RPRD1B: variants seen among roughly 807,000 people sequenced by gnomAD.
The protein encoded by RPRD1B is regulation of nuclear pre-mRNA domain containing 1B, also known as regulation of nuclear pre-mRNA domain-containing protein 1B.
RPRD1B carries 11 observed loss-of-function variants against 41.5 expected under a neutral mutation model. The ratio of observed to expected loss-of-function variants is 0.27; its 90% CI spans 0.17 to 0.44. The LOEUF is 0.44. Ranked by LOEUF, RPRD1B falls within the 20% of genes least tolerant of loss-of-function variation. The probability of loss-of-function intolerance (pLI) is 1.00; values close to 1 mark genes in which losing one functional copy is unlikely to be tolerated. For synonymous variants in RPRD1B, 158 were observed against 155.6 expected (o/e 1.02, Z -0.12); for missense variants, 248 against 389.9 (o/e 0.64, Z 3.06).
intron 1 of RPRD1B, among the ~76,000 whole-genome samples, chr20:38,034,778 G>C (rs979221882): frequency 3.3e-5 from 5 of 152,102 alleles, no homozygotes; most frequent in Non-Finnish European, 7.4e-5. Context: ...GCCCTGCTCA[G>C]GTTCTGACAG....
At chr20:38,079,468 G>T (rs775482513) in intron 6 of RPRD1B, among the ~76,000 whole-genome samples, 1 of 152,102 alleles carries the variant, frequency 6.6e-6, no homozygotes, top group Non-Finnish European at 1.5e-5. Flanking sequence ...TTGAGTTCAT[G>T]TGTTCTCAAT....
At chr20:38,052,752 GTTTTT>G (rs146687415) in intron 3 of RPRD1B, among the ~76,000 whole-genome samples, 21 of 81,696 alleles carry the variant, frequency 2.6e-4, no homozygotes, top group African/African-American at 9.1e-4. Context: ...CAAACGCGGT[GTTTTT>G]TTTTTTTTTT....
intron 5 of RPRD1B, 140 bp downstream of exon 5, chr20:38,059,660 A>G (rs764199204): frequency 1.1e-5 from 8 of 741,112 alleles, no homozygotes; most frequent in Non-Finnish European, 1.7e-5. Flanking sequence ...GGGATTTGCA[A>G]ACATAACTCA....
chr20:38,087,946 G>A (rs2074577229), intron 6 of RPRD1B, among the ~76,000 whole-genome samples: 2 of 152,222 alleles, frequency 1.3e-5, no homozygotes, highest in African/African-American at 4.8e-5. Flanking sequence ...GGGGGAAGCA[G>A]ATGGGTCTGG....
chr20:38,037,709 T>C lies in RPRD1B; in HGVS notation c.152-2726T>C, dbSNP rs572736915. The stretch of plus-strand genomic sequence containing the variant: ...CAGTTTATCCTAAATAAATCCCCAT[T>C]GTTAAGTTCTGGGGTGATGAAAATT... On this transcript the variant is annotated intron_variant, in intron 1 of 6. Transcript: ENST00000373433. Among the ~76,000 whole-genome samples, 10 of 152,338 alleles carry C rather than the reference T, an allele frequency of 6.6e-5. No individual in the cohort carries two copies. The South Asian group carries it at 2.1e-3, about 32-fold the overall frequency.
intron 6 of RPRD1B, chr20:38,070,740 T>TTTTTTC (rs2074404677): frequency 1.5e-6 from 1 of 665,926 alleles, no homozygotes; most frequent in African/African-American, 1.9e-5. Flanking sequence ...TAACTGTGAT[T>TTTTTTC]TTTTTTTTTT....
chr20:38,039,135 G>C (rs935455180), intron 1 of RPRD1B, among the ~76,000 whole-genome samples: 5 of 152,150 alleles, frequency 3.3e-5, no homozygotes, highest in African/African-American at 1.2e-4. Flanking sequence ...TATTGCACGA[G>C]GTTTTTATGG....
At chr20:38,038,495 T>TTTG (rs1555798665) in intron 1 of RPRD1B, among the ~76,000 whole-genome samples, 7 of 109,424 alleles carry the variant, frequency 6.4e-5, no homozygotes, top group African/African-American at 3.0e-4. Flanking sequence ...GTTTTGTTTT[T>TTTG]TTTTTTTTTT....
chr20:38,039,990 T>A (rs1370610956), intron 1 of RPRD1B, among the ~76,000 whole-genome samples: 2 of 152,126 alleles, frequency 1.3e-5, no homozygotes, highest in African/African-American at 2.4e-5. Context: ...CACCTCGTCC[T>A]CCCAGAGTGC....
At chr20:38,074,288 A>T (rs938943144) in intron 6 of RPRD1B, among the ~76,000 whole-genome samples, 10 of 151,776 alleles carry the variant, frequency 6.6e-5, no homozygotes, top group Non-Finnish European at 1.0e-4. Context: ...TAGTCTACTG[A>T]CCCTACTGCT....
intron 3 of RPRD1B, among the ~76,000 whole-genome samples, chr20:38,056,338 C>T (rs1410420601): frequency 6.6e-6 from 1 of 151,900 alleles, no homozygotes; most frequent in Non-Finnish European, 1.5e-5. Flanking sequence ...TTGCAGTGAG[C>T]TGAGAATGTG....
intron 6 of RPRD1B, among the ~76,000 whole-genome samples, chr20:38,081,041 T>C (rs2074507898): frequency 6.6e-6 from 1 of 152,212 alleles, no homozygotes; most frequent in Non-Finnish European, 1.5e-5. Context: ...TGTTTTCTCT[T>C]TGTTTTGTTT....
rs1044005609 is a variant in RPRD1B at position 38,057,594 on chromosome 20, G to A, written c.478G>A (p.Asp160Asn). The A allele has an allele frequency of 1.5e-5, 25 of 1,613,998 alleles. No homozygotes were observed. The highest frequency in any genetic ancestry group is 1.8e-5 in the Non-Finnish European group (21 of 1,180,000). The stretch of plus-strand genomic sequence containing the variant: ...GCAAATTCAGGAGGAGGAGGATGAC[G>A]ACTACCCTGGCAGCTACTCTCCTCA... ...FQQIQEEEDD[D>N]YPGSYSPQDP... The change falls in exon 4 of 7, where the codon GAC becomes AAC. Residue 160 changes from aspartate (D) to asparagine (N), a missense_variant. By Grantham distance (23) the Asp-to-Asn change is conservative. Coordinates refer to ENST00000373433, the MANE Select transcript of RPRD1B (RefSeq NM_021215.4).
chr20:38,034,202 C>A, intron 1 of RPRD1B, 104 bp downstream of exon 1: 1 of 1,256,978 alleles, frequency 8.0e-7, no homozygotes, highest in Non-Finnish European at 1.1e-6. Flanking sequence ...GCTTTCCAGG[C>A]CTGATCGAGC....
chr20:38,071,526 C>T (rs911487686), intron 6 of RPRD1B, among the ~76,000 whole-genome samples: 109 of 152,206 alleles, frequency 7.2e-4, no homozygotes, highest in African/African-American at 2.5e-3. Flanking sequence ...GTGGCCATAT[C>T]TTTTCATTTC....
intron 5 of RPRD1B, among the ~76,000 whole-genome samples, chr20:38,062,477 A>T (rs773295440): frequency 6.6e-6 from 1 of 151,988 alleles, no homozygotes; most frequent in East Asian, 1.9e-4. Flanking sequence ...TTTCAAGCTT[A>T]CTCTGCCCCA....
At chr20:38,041,498 A>G (rs1283971050) in intron 2 of RPRD1B, among the ~76,000 whole-genome samples, 3 of 152,250 alleles carry the variant, frequency 2.0e-5, no homozygotes, top group Non-Finnish European at 2.9e-5. Flanking sequence ...GTTTTTGTGG[A>G]TAAGTTACAT....
At chr20:38,063,264 C>A (rs1033154947) in intron 5 of RPRD1B, among the ~76,000 whole-genome samples, 1 of 152,134 alleles carries the variant, frequency 6.6e-6, no homozygotes, top group Non-Finnish European at 1.5e-5. Context: ...CTTCCAGTGC[C>A]CCACTTTTTC....
Position 38,090,136 on chromosome 20 carries a change from C to T in RPRD1B, c.*261C>T. 2.9e-5 allele frequency: 34 copies of T among 1,180,092 alleles called. No individual in the cohort carries two copies. Among genetic ancestry groups the T allele is most frequent in the Non-Finnish European group, 3.5e-5 (33 of 951,470 alleles). The allele number at this position is 1,180,092 out of a possible 1,614,324, so 73.1% of individuals were successfully genotyped here. A position where few individuals can be genotyped will look rare whatever the true frequency, so the allele number is the denominator to read the frequency against. On this transcript the variant is annotated 3_prime_UTR_variant, in exon 7 of 7. Coordinates refer to ENST00000373433, the MANE Select transcript of RPRD1B (RefSeq NM_021215.4). ...CTCCCACTTCATATTTTCATGCCCC[C>T]CTGTTGGTTTTCCATTCTTAACTGT...
Sources: gnomAD v4.1 joint callset for allele counts (sites outside exome capture counted in the v4.1 genomes callset) on GRCh38, gnomAD v4.1.1 for gene constraint, MANE v1.5 for transcripts, NCBI Gene and HGNC (gene_info 2026-07-23, HGNC 2026-07-21) for gene names.